Variants in MYBPC3 observed in about 807,000 individuals in gnomAD.
MYBPC3 encodes the protein myosin binding protein C3, also known as myosin-binding protein C, cardiac-type.
In MYBPC3, 108 loss-of-function variants were observed where a neutral mutation model predicts 159.3. The ratio of observed to expected loss-of-function variants is 0.68; its 90% CI spans 0.58 to 0.80. The LOEUF (loss-of-function observed/expected upper bound fraction) is 0.80, where lower values mean the gene tolerates loss of function less well. Ranked by LOEUF, MYBPC3 falls within the 30% of genes least tolerant of loss-of-function variation. The probability of loss-of-function intolerance (pLI) is 0.00; values close to 1 mark genes in which losing one functional copy is unlikely to be tolerated. For synonymous variants in MYBPC3, 730 were observed against 702.0 expected, an observed-to-expected ratio of 1.04 and a Z score of -0.63; for missense variants, 1,631 against 1,762.1, an observed-to-expected ratio of 0.93 and a Z score of 1.33.
In MYBPC3 at chr11:47,346,065, T is replaced by A; in HGVS notation, c.1090+142A>T. ...CTGTGCTAAGCCGGACTCCGCTCTT[T>A]CCATGTATGTGGACGAGGTGGGGGG... is the stretch of plus-strand genomic sequence containing the variant. On this transcript the variant is annotated intron_variant, in intron 12 of 34. Transcript: ENST00000545968. This position sits in a 1 kb window ranked among gnomAD's most constrained non-coding sequence, Gnocchi z 5.3. 2 of 1,193,520 alleles carry A rather than the reference T, an allele frequency of 1.7e-6. No homozygotes were observed. Among genetic ancestry groups the A allele is most frequent in the Non-Finnish European group, 2.3e-6 (2 of 869,292 alleles). The allele number at this position is 1,193,520 out of a possible 1,614,324, so 73.9% of individuals were successfully genotyped here.
chr11:47,335,898 C>T lies in MYBPC3; in HGVS notation c.2716G>A (p.Val906Met), dbSNP rs774634021. The T allele has an allele frequency of 8.5e-6, 13 of 1,536,140 alleles. No homozygotes were observed. Among genetic ancestry groups the T allele is most frequent in the Middle Eastern group, 1.8e-4 (1 of 5,470 alleles). ...VGAGGLDGYSVEYCPEGCSEW... is the reference protein window; with the variant it reads ...VGAGGLDGYSMEYCPEGCSEW... ...TCACAGCCCTCTGGGCAGTACTCCA[C>T]GCTGTAGCCATCCAGGCCTCCTGCT... Residue 906 changes from valine (V) to methionine (M), a missense_variant, in exon 26 of 35, where the codon GTG becomes ATG. Coordinates refer to ENST00000545968, the MANE Select transcript of MYBPC3 (RefSeq NM_000256.3).
At position 47,351,348 on chromosome 11, in the gene MYBPC3, G is replaced by T; in HGVS notation, c.183C>A (p.Gly61=). Residue 61 remains glycine (G), a synonymous_variant, in exon 2 of 35, where the codon GGC becomes GGA. Transcript: ENST00000545968. This position sits in a 1 kb window ranked among gnomAD's most constrained non-coding sequence, Gnocchi z 4.2. ...ASNKYGLATE[G]TRHTLTVREV... is the part of the protein sequence containing the mutation. Reference sequence around the variant, plus strand: ...CCCGCACTGTCAGCGTATGCCGTGTGCCCTCTGTGGCCAGGCCGTACTTGT... The same window carrying T: ...CCCGCACTGTCAGCGTATGCCGTGTTCCCTCTGTGGCCAGGCCGTACTTGT... 6.2e-7 allele frequency: 1 copy of T among 1,601,848 alleles called. No individual in the cohort carries two copies. Among genetic ancestry groups the T allele is most frequent in the Admixed American group, 1.7e-5 (1 of 58,576 alleles).
At chr11:47,337,859 G>T in intron 23 of MYBPC3, 65 bp from the exon 24 acceptor site, 1 of 1,411,878 alleles carries the variant, frequency 7.1e-7, no homozygotes, top group African/African-American at 1.4e-5. Flanking sequence ...AACGTTGCTC[G>T]TCCCCTTCCC....
rs397516003 is a variant in MYBPC3, at chr11:47,333,649, C to T, written c.3098G>A (p.Arg1033Gln). 6 of 1,609,832 alleles carry T rather than the reference C, an allele frequency of 3.7e-6. No individual in the cohort carries two copies. Among genetic ancestry groups the T allele is most frequent in the South Asian group, 2.2e-5 (2 of 91,084 alleles). Residue 1033 changes from arginine (R) to glutamine (Q), a missense_variant, in exon 29 of 35, where the codon CGG (arginine) becomes CAG (glutamine). Arg to Gln is a conservative substitution (Grantham distance 43). Transcript: ENST00000545968. ...NSPTDTILFI[R>Q]AARRVHSGTY... Reference sequence around the variant, plus strand: ...GCCTGAATGCACGCGGCGAGCGGCCCGGATGAACAGGATGGTGTCTGTGGG... The same window carrying T: ...GCCTGAATGCACGCGGCGAGCGGCCTGGATGAACAGGATGGTGTCTGTGGG...
rs1170894112 is a variant in MYBPC3, at chr11:47,332,503, C to T, written c.3627+63G>A. 1.0e-5 allele frequency: 16 copies of T among 1,566,282 alleles called. No individual in the cohort carries two copies. The highest frequency in any genetic ancestry group is 2.3e-5 in the East Asian group (1 of 44,396). ...GAGACAGGCTGGGGAGAGGACTGCTCAACGTCGGGGCCTGTGAGCCCTGCC... is the reference window on the plus strand; with the variant it reads ...GAGACAGGCTGGGGAGAGGACTGCTTAACGTCGGGGCCTGTGAGCCCTGCC... On this transcript the variant is annotated intron_variant, in intron 32 of 34. Transcript: ENST00000545968. The surrounding 1 kb of genome is among the most constrained non-coding windows in gnomAD (Gnocchi z 4.2).
In MYBPC3 at chr11:47,332,833, G is replaced by A. The variant is rs962554743; in HGVS notation, c.3471C>T (p.Pro1157=). The change falls in exon 31 of 35, where the codon CCC becomes CCT. Residue 1157 remains proline, a synonymous_variant. Coordinates refer to ENST00000545968, the MANE Select transcript of MYBPC3 (RefSeq NM_000256.3). This position sits in a 1 kb window ranked among gnomAD's most constrained non-coding sequence, Gnocchi z 4.2. ...CAGCACCTGGTCTGGGGATAAAGAC[G>A]GGCTCCTTGGTGGTGGCCGCTCTGT... ...FSDRAATTKE[P]VFIPRPGITY... 6.8e-6 allele frequency: 11 copies of A among 1,606,960 alleles called. No homozygotes were observed. The East Asian group carries it at 9.0e-5, about 13-fold the overall frequency.
chr11:47,341,440 A>C (rs1185840454), intron 18 of MYBPC3, among the ~76,000 whole-genome samples, 196 bp from the exon 19 acceptor site: 1 of 152,200 alleles, frequency 6.6e-6, no homozygotes, highest in Admixed American at 6.5e-5. Flanking sequence ...GGCAGCGTAA[A>C]AGTGATTTCT....
chr11:47,335,381 G>A (rs746552963), intron 26 of MYBPC3, among the ~76,000 whole-genome samples, 172 bp from the exon 27 acceptor site: 54 of 152,250 alleles, frequency 3.5e-4, no homozygotes, highest in Non-Finnish European at 7.5e-4. Context: ...AGGCTGGAGT[G>A]CAATGGCATG....
Position 47,341,234 on chromosome 11 carries a change from G to A in MYBPC3, c.1801C>T (p.Leu601=). The change falls in exon 19 of 35, where the codon CTG becomes TTG. Residue 601 remains leucine (L), a synonymous_variant. Coordinates refer to ENST00000545968, the MANE Select transcript of MYBPC3 (RefSeq NM_000256.3). ...KVSHIGRVHK[L]TIDDVTPADE... is the part of the protein sequence containing the mutation. Reference sequence around the variant, plus strand: ...GCAGGTGTGACGTCGTCAATGGTCAGTTTGTGGACCCTGCAGGGGAGCAGT... The same window carrying A: ...GCAGGTGTGACGTCGTCAATGGTCAATTTGTGGACCCTGCAGGGGAGCAGT... 6.3e-7 allele frequency: 1 copy of A among 1,588,012 alleles called. No individual in the cohort carries two copies. The highest frequency in any genetic ancestry group is 8.6e-7 in the Non-Finnish European group (1 of 1,167,166).
chr11:47,340,856 C>T, intron 20 of MYBPC3, 147 bp downstream of exon 20: 1 of 878,998 alleles, frequency 1.1e-6, no homozygotes, highest in Admixed American at 3.4e-5. Flanking sequence ...TATAATTGAC[C>T]CATGGTCATG....
rs747961075 is a variant in MYBPC3, at chr11:47,346,188, C to A, written c.1090+19G>T. The A allele has an allele frequency of 8.1e-6, 13 of 1,613,352 alleles. No homozygotes were observed. Among genetic ancestry groups the A allele is most frequent in the Non-Finnish European group, 1.1e-5 (13 of 1,179,700 alleles). On this transcript the variant is annotated intron_variant, in intron 12 of 34. Coordinates refer to ENST00000545968, the MANE Select transcript of MYBPC3 (RefSeq NM_000256.3). The surrounding 1 kb of genome is among the most constrained non-coding windows in gnomAD (Gnocchi z 5.3). ...GGCTAGCCTGTGCCCTCTCCTCTCC[C>A]CTCTGAGGAAGGGCTAACCTGTGCT... is the stretch of plus-strand genomic sequence containing the variant.
chr11:47,342,105 T>C lies in MYBPC3; in HGVS notation c.1676A>G (p.Lys559Arg). The C allele has an allele frequency of 6.2e-7, 1 of 1,614,016 alleles. No homozygotes were observed. Among genetic ancestry groups the C allele is most frequent in the Non-Finnish European group, 8.5e-7 (1 of 1,179,890 alleles). Residue 559 changes from lysine (K) to arginine (R), a missense_variant, in exon 18 of 35, where the codon AAG becomes AGG. Lys to Arg is a conservative substitution (Grantham distance 26). Coordinates refer to ENST00000545968, the MANE Select transcript of MYBPC3 (RefSeq NM_000256.3). ...CTCACATTTGAACACCGCCTGGTCCTTTGCGCCCACCATCAGGTCTGCGAT... is the reference window on the plus strand; with the variant it reads ...CTCACATTTGAACACCGCCTGGTCCCTTGCGCCCACCATCAGGTCTGCGAT... ...QSIADLMVGA[K>R]DQAVFKCEVS...
chr11:47,343,937 T>C (rs1267159488), intron 12 of MYBPC3, among the ~76,000 whole-genome samples: 1 of 152,218 alleles, frequency 6.6e-6, no homozygotes, highest in Admixed American at 6.5e-5. Context: ...TACAGGCATG[T>C]GCCACCACGC....
intron 20 of MYBPC3, among the ~76,000 whole-genome samples, chr11:47,340,105 TAC>T (rs531489373): frequency 2.6e-4 from 38 of 148,760 alleles, no homozygotes; most frequent in African/African-American, 7.9e-4. Context: ...GCCACACACA[TAC>T]ACACACACAC....
chr11:47,334,686 A>G (rs1405923983), intron 27 of MYBPC3, among the ~76,000 whole-genome samples: 1 of 151,910 alleles, frequency 6.6e-6, no homozygotes, highest in Non-Finnish European at 1.5e-5. Context: ...TCAGCCTCCC[A>G]AGTAGTTGAG....
At position 47,346,161 on chromosome 11, in the gene MYBPC3, A is replaced by G. The variant is rs758059612; in HGVS notation, c.1090+46T>C. 6.2e-7 allele frequency: 1 copy of G among 1,605,102 alleles called. No individual in the cohort carries two copies. Among genetic ancestry groups the G allele is most frequent in the East Asian group, 2.2e-5 (1 of 44,662 alleles). On this transcript the variant is annotated intron_variant, in intron 12 of 34. Coordinates refer to ENST00000545968, the MANE Select transcript of MYBPC3 (RefSeq NM_000256.3). This position sits in a 1 kb window ranked among gnomAD's most constrained non-coding sequence, Gnocchi z 5.3. ...TGCCCTCTCCTCTCCTGTGTAGGGA[A>G]GGGCTAGCCTGTGCCCTCTCCTCTC...
chr11:47,331,713 G>A lies in MYBPC3; in HGVS notation c.*30C>T, dbSNP rs1347393824. ...CCTGGCACGGGGCTGGCATCCGGTT[G>A]TACCTGCAACACAGGTTATCTTACG... On this transcript the variant is annotated 3_prime_UTR_variant, in exon 35 of 35. Transcript: ENST00000545968. 1.0e-6 allele frequency: 1 copy of A among 972,974 alleles called. No homozygotes were observed. Among genetic ancestry groups the A allele is most frequent in the East Asian group, 2.7e-5 (1 of 37,544 alleles). The allele number at this position is 972,974 out of a possible 1,614,324, so 60.3% of individuals were successfully genotyped here.
Position 47,333,336 on chromosome 11 carries a change from G to T in MYBPC3, c.3191-3C>A. 6.4e-7 allele frequency: 1 copy of T among 1,565,346 alleles called. No individual in the cohort carries two copies. The stretch of plus-strand genomic sequence containing the variant: ...ATCCTGGGGAGGACTTGGCTTGTCT[G>T]CGGGAGACAGACCCAGTTGGGTCAC... On this transcript the variant is annotated splice_region_variant and splice_polypyrimidine_tract_variant and intron_variant, in intron 29 of 34. Coordinates refer to ENST00000545968, the MANE Select transcript of MYBPC3 (RefSeq NM_000256.3).
At chr11:47,339,838 G>A (rs368987662) in intron 20 of MYBPC3, 48 bp from the exon 21 acceptor site, 7 of 1,595,598 alleles carry the variant, frequency 4.4e-6, no homozygotes, top group Middle Eastern at 1.7e-4. Flanking sequence ...GCCAGGAGGA[G>A]CACAGGTCAC....
Sources: allele counts gnomAD v4.1 joint callset (sites outside exome capture counted in the v4.1 genomes callset), GRCh38; gene constraint gnomAD v4.1.1; non-coding constraint Gnocchi (gnomAD v3.1); transcripts MANE v1.5; gene names NCBI Gene and HGNC (gene_info 2026-07-23, HGNC 2026-07-21).